BLTP1: variants seen among roughly 807,000 people sequenced by gnomAD.
The protein encoded by BLTP1 is fragile site-associated protein.
the BLTP1 span, chr4:122,277,062 C>T: frequency 2.0e-6 from 2 of 984,960 alleles, no homozygotes; most frequent in Non-Finnish European, 2.4e-6. Flanking sequence ...AATCATTTGC[C>T]CATTTGAAGG....
the BLTP1 span, chr4:122,343,644 T>C: frequency 3.7e-6 from 6 of 1,601,320 alleles, no homozygotes; most frequent in Admixed American, 3.4e-5. Context: ...TTTTCAGATT[T>C]ACAGCATCTT....
chr4:122,152,514 G>T, the BLTP1 span: 1 of 985,822 alleles, frequency 1.0e-6, no homozygotes. Context: ...CGCCCCTGCC[G>T]CCGCCCAAGG....
chr4:122,185,438 C>T, the BLTP1 span: 7 of 984,976 alleles, frequency 7.1e-6, no homozygotes, highest in Non-Finnish European at 8.4e-6. Context: ...TAGATTATTT[C>T]CTTAGTAGAA....
At chr4:122,300,790 C>A in the BLTP1 span, 140 of 457,230 alleles carry the variant, frequency 3.1e-4, no homozygotes, top group Non-Finnish European at 3.9e-4. Context: ...AAAGATTAAT[C>A]ATTGTAAGAA....
chr4:122,180,850 T>A, the BLTP1 span, among the ~76,000 whole-genome samples: 1 of 152,206 alleles, frequency 6.6e-6, no homozygotes, highest in African/African-American at 2.4e-5. Context: ...GTAATTTATT[T>A]AACAAACAAG....
At chr4:122,190,254 G>C in the BLTP1 span, 1 of 559,932 alleles carries the variant, frequency 1.8e-6, no homozygotes, top group Non-Finnish European at 2.3e-6. Context: ...ATGCCACTAT[G>C]CCTGACTAAT....
chr4:122,289,057 G>T, the BLTP1 span: 5 of 1,597,266 alleles, frequency 3.1e-6, no homozygotes, highest in Non-Finnish European at 4.3e-6. Flanking sequence ...AATGTAATCA[G>T]TGTTAATCTA....
the BLTP1 span, chr4:122,171,916 T>C: frequency 1.0e-6 from 1 of 985,352 alleles, no homozygotes; most frequent in Non-Finnish European, 1.2e-6. Context: ...GCTTGTTTAA[T>C]ATTGAAAGCA....
At chr4:122,270,387 TG>T in the BLTP1 span, 1 of 978,624 alleles carries the variant, frequency 1.0e-6, no homozygotes, top group Non-Finnish European at 1.2e-6. Context: ...TTGTTATTAT[TG>T]GTAGCTGGTT....
At chr4:122,321,531 A>G in the BLTP1 span, among the ~76,000 whole-genome samples, 2 of 119,512 alleles carry the variant, frequency 1.7e-5, no homozygotes, top group African/African-American at 6.2e-5. Context: ...ATGTGTATAT[A>G]TGTGTGTGTA....
At chr4:122,341,398 T>G in the BLTP1 span, among the ~76,000 whole-genome samples, 1 of 152,204 alleles carries the variant, frequency 6.6e-6, no homozygotes, top group African/African-American at 2.4e-5. Flanking sequence ...ACTCTATTAC[T>G]TTATTAGCTA....
chr4:122,289,246 C>A, the BLTP1 span: 1 of 1,218,952 alleles, frequency 8.2e-7, no homozygotes, highest in Non-Finnish European at 1.2e-6. Flanking sequence ...TCTCATTGAG[C>A]GTGTGATATC....
At chr4:122,325,696 TAGA>T in the BLTP1 span, 1 of 933,734 alleles carries the variant, frequency 1.1e-6, no homozygotes, top group African/African-American at 1.7e-5. Flanking sequence ...TAGCAGAAAT[TAGA>T]AGGAAGAAGA....
chr4:122,276,867 A>AGCTC, the BLTP1 span: 2 of 981,716 alleles, frequency 2.0e-6, no homozygotes, highest in African/African-American at 3.5e-5. Context: ...GACCTCTGAT[A>AGCTC]GAGCTACTGT....
At chr4:122,238,036 T>C in the BLTP1 span, 1 of 1,549,112 alleles carries the variant, frequency 6.5e-7, no homozygotes, top group Non-Finnish European at 8.7e-7. Context: ...GCCATGTTTT[T>C]TATAAACTGC....
chr4:122,277,164 C>G, the BLTP1 span: 1 of 757,040 alleles, frequency 1.3e-6, no homozygotes, highest in African/African-American at 1.9e-5. Context: ...TAATGAGACC[C>G]TGTCTCTACA....
At chr4:122,338,903 T>C in the BLTP1 span, among the ~76,000 whole-genome samples, 1 of 152,212 alleles carries the variant, frequency 6.6e-6, no homozygotes, top group Non-Finnish European at 1.5e-5. Flanking sequence ...TTTTGATTTT[T>C]ATATCATGCT....
the BLTP1 span, chr4:122,292,266 C>T: frequency 4.9e-6 from 4 of 821,216 alleles, no homozygotes; most frequent in South Asian, 5.8e-5. Flanking sequence ...CTGTGCCCAG[C>T]CCATCAAACA....
the BLTP1 span, chr4:122,175,214 G>A: frequency 1.0e-6 from 1 of 984,612 alleles, no homozygotes; most frequent in East Asian, 1.1e-4. Context: ...TAATTGAGAG[G>A]TGCTAGAGTT....
Sources: allele counts gnomAD v4.1 joint callset (sites outside exome capture counted in the v4.1 genomes callset), GRCh38; gene constraint gnomAD v4.1.1; transcripts MANE v1.5; gene names NCBI Gene and HGNC (gene_info 2026-07-23, HGNC 2026-07-21).